DCC: variants seen among roughly 807,000 people sequenced by gnomAD.
The protein encoded by DCC is DCC netrin 1 receptor.
DCC carries 58 observed loss-of-function variants against 172.5 expected under a neutral mutation model. That is an observed-to-expected ratio of 0.34 (90% CI 0.27 to 0.42). The LOEUF (loss-of-function observed/expected upper bound fraction) is 0.42, where lower values mean the gene tolerates loss of function less well. DCC is among the 10% of genes least tolerant of loss of function. The pLI is 1.00. For synonymous variants in DCC, 709 were observed against 644.5 expected (o/e 1.10, Z -1.52); for missense variants, 1,740 against 1,791.0 (o/e 0.97, Z 0.51).
chr18:53,216,614 T>C (rs1353467189), intron 12 of DCC, among the ~76,000 whole-genome samples: 8 of 152,138 alleles, frequency 5.3e-5, no homozygotes, highest in African/African-American at 1.7e-4. Flanking sequence ...CTTCATTCCA[T>C]GTGCAAATGC....
chr18:52,628,992 T>G (rs543765349), intron 1 of DCC, among the ~76,000 whole-genome samples: 7 of 152,186 alleles, frequency 4.6e-5, no homozygotes, highest in Non-Finnish European at 7.3e-5. Flanking sequence ...AGCCATTTTC[T>G]TAGCGGTGCA....
chr18:52,730,768 C>A (rs2036626741), intron 1 of DCC, among the ~76,000 whole-genome samples: 1 of 152,114 alleles, frequency 6.6e-6, no homozygotes, highest in African/African-American at 2.4e-5. Flanking sequence ...TGGCCTAGTC[C>A]TCACAGAGGG....
chr18:52,896,180 GT>G (rs1254814375), intron 2 of DCC, among the ~76,000 whole-genome samples: 1 of 151,978 alleles, frequency 6.6e-6, no homozygotes, highest in Non-Finnish European at 1.5e-5. Context: ...ATTTTAAGAG[GT>G]TTTTTGCAAC....
At chr18:53,012,213 C>T (rs1438217514) in intron 5 of DCC, among the ~76,000 whole-genome samples, 2 of 151,718 alleles carry the variant, frequency 1.3e-5, no homozygotes, top group Non-Finnish European at 2.9e-5. Context: ...ACAAGTGCAT[C>T]GGTATATAAA....
intron 12 of DCC, among the ~76,000 whole-genome samples, chr18:53,288,931 A>G (rs2056966369): frequency 6.6e-6 from 1 of 152,126 alleles, no homozygotes; most frequent in Non-Finnish European, 1.5e-5. Flanking sequence ...TTATGTGCAT[A>G]TTAACAGGCC....
At chr18:52,866,731 T>C (rs1223865552) in intron 2 of DCC, among the ~76,000 whole-genome samples, 1 of 152,222 alleles carries the variant, frequency 6.6e-6, no homozygotes, top group African/African-American at 2.4e-5. Flanking sequence ...CACATTGATT[T>C]TGTATCCGGA....
intron 1 of DCC, among the ~76,000 whole-genome samples, chr18:52,580,470 A>C (rs1211732144): frequency 6.6e-6 from 1 of 152,190 alleles, no homozygotes. Flanking sequence ...AGGTTAAGAG[A>C]TATGGAGCAA....
At chr18:53,091,852 A>AT (rs2043016527) in intron 7 of DCC, among the ~76,000 whole-genome samples, 2 of 103,298 alleles carry the variant, frequency 1.9e-5, no homozygotes, top group African/African-American at 7.5e-5. Flanking sequence ...TCTATCTATC[A>AT]ATCTATCTAT....
chr18:52,836,243 T>C (rs2038702570), intron 2 of DCC, among the ~76,000 whole-genome samples: 1 of 152,162 alleles, frequency 6.6e-6, no homozygotes, highest in African/African-American at 2.4e-5. Context: ...CATAGGGACA[T>C]AGCCAAACCA....
In DCC at chr18:53,194,145, T is replaced by A. The variant is rs148728626; in HGVS notation, c.1574-11071T>A. Among the ~76,000 whole-genome samples, 884 of 152,270 alleles carry A rather than the reference T, an allele frequency of 5.8e-3. 7 individuals carry two copies. Among genetic ancestry groups the A allele is most frequent in the Middle Eastern group, 0.037 (11 of 294 alleles). On this transcript the variant is annotated intron_variant, in intron 9 of 28. Transcript: ENST00000442544. The stretch of plus-strand genomic sequence containing the variant: ...CCTGCCTCTGGTGCATATCTATTTA[T>A]AGAGAACTGAGATTTTTGCATGCAG...
At chr18:52,834,260 A>C (rs1281970709) in intron 2 of DCC, among the ~76,000 whole-genome samples, 1 of 152,248 alleles carries the variant, frequency 6.6e-6, no homozygotes, top group African/African-American at 2.4e-5. Context: ...AACAGTTTGA[A>C]GTCCAATTCA....
chr18:53,317,157 G>A (rs1479975321), intron 13 of DCC, among the ~76,000 whole-genome samples: 2 of 152,148 alleles, frequency 1.3e-5, no homozygotes, highest in Admixed American at 1.3e-4. Context: ...GCATGAAGAG[G>A]TGTTGGATTT....
chr18:52,819,943 A>G (rs2038375164), intron 2 of DCC, among the ~76,000 whole-genome samples: 1 of 151,954 alleles, frequency 6.6e-6, no homozygotes, highest in African/African-American at 2.4e-5. Context: ...GATGGTATCA[A>G]TCTCCTGACC....
intron 5 of DCC, among the ~76,000 whole-genome samples, chr18:52,977,106 A>T (rs1015795499): frequency 6.6e-6 from 1 of 152,096 alleles, no homozygotes; most frequent in African/African-American, 2.4e-5. Flanking sequence ...CTTCTCGTGC[A>T]GAAAAATCTC....
intron 12 of DCC, among the ~76,000 whole-genome samples, chr18:53,283,639 G>A (rs1192404717): frequency 6.6e-6 from 1 of 152,086 alleles, no homozygotes; most frequent in Non-Finnish European, 1.5e-5. Flanking sequence ...AGGTATCCAG[G>A]TCTGTCTAAC....
chr18:53,351,382 CAGTATATATAT>C (rs2057801614), intron 15 of DCC, among the ~76,000 whole-genome samples: 1 of 27,564 alleles, frequency 3.6e-5, no homozygotes, highest in Non-Finnish European at 6.9e-5. Context: ...TATATATATA[CAGTATATATAT>C]ATACAGTGTA....
At chr18:52,431,309 A>G (rs1987614550) in intron 1 of DCC, among the ~76,000 whole-genome samples, 1 of 152,142 alleles carries the variant, frequency 6.6e-6, no homozygotes. Flanking sequence ...GAAAAGCAAT[A>G]ATAATAAAGA....
chr18:53,063,492 C>A, intron 6 of DCC, 33 bp downstream of exon 6: 4 of 1,494,300 alleles, frequency 2.7e-6, no homozygotes, highest in South Asian at 2.3e-5. Flanking sequence ...GTTTTATAAT[C>A]CCATTCATTG....
chr18:52,579,236 G>A (rs981321823), intron 1 of DCC, among the ~76,000 whole-genome samples: 2 of 152,052 alleles, frequency 1.3e-5, no homozygotes, highest in African/African-American at 4.8e-5. Context: ...TTTCAGGTTG[G>A]TTTCCCATTA....
Sources: gnomAD v4.1 joint callset for allele counts (sites outside exome capture counted in the v4.1 genomes callset) on GRCh38, gnomAD v4.1.1 for gene constraint, MANE v1.5 for transcripts, NCBI Gene and HGNC (gene_info 2026-07-23, HGNC 2026-07-21) for gene names.